OPCML: variants seen among roughly 807,000 people sequenced by gnomAD.
The protein encoded by OPCML is opioid binding protein/cell adhesion molecule like.
A neutral mutation model predicts 37.8 loss-of-function variants in OPCML; 13 were observed. That is an observed-to-expected ratio of 0.34 (90% confidence interval 0.22 to 0.55). The LOEUF (loss-of-function observed/expected upper bound fraction) is 0.55. OPCML is among the 20% of genes least tolerant of loss of function. The pLI is 0.91. For missense variants in OPCML, 341 were observed against 435.6 expected (o/e 0.78, Z 1.93); for synonymous variants, 176 against 168.8 (o/e 1.04, Z -0.33).
intron 1 of OPCML, among the ~76,000 whole-genome samples, chr11:133,525,331 C>T (rs1408693207): frequency 6.6e-6 from 1 of 152,036 alleles, no homozygotes; most frequent in African/African-American, 2.4e-5. Context: ...CAGGTGAAGC[C>T]CTTGAGGAAG....
chr11:132,728,640 C>A (rs535861696), intron 2 of OPCML, among the ~76,000 whole-genome samples: 2 of 152,148 alleles, frequency 1.3e-5, no homozygotes, highest in South Asian at 2.1e-4. Flanking sequence ...CCTGCTGTAA[C>A]CTAAGTGCCT....
At chr11:132,468,839 A>G (rs1345246322) in intron 4 of OPCML, among the ~76,000 whole-genome samples, 2 of 152,150 alleles carry the variant, frequency 1.3e-5, no homozygotes, top group Non-Finnish European at 2.9e-5. Flanking sequence ...TCTCAAAACT[A>G]CATATACCTC....
At chr11:133,084,860 A>G (rs1203595802) in intron 1 of OPCML, among the ~76,000 whole-genome samples, 1 of 152,218 alleles carries the variant, frequency 6.6e-6, no homozygotes, top group Non-Finnish European at 1.5e-5. Context: ...TCTACCATAC[A>G]ATATAGATTT....
At chr11:132,864,066 T>C (rs559159395) in intron 2 of OPCML, among the ~76,000 whole-genome samples, 1 of 152,220 alleles carries the variant, frequency 6.6e-6, no homozygotes, top group South Asian at 2.1e-4. Flanking sequence ...GCTTCCCGAG[T>C]AGCTGGGATT....
At chr11:133,150,989 C>T (rs889414502) in intron 1 of OPCML, among the ~76,000 whole-genome samples, 2 of 151,892 alleles carry the variant, frequency 1.3e-5, no homozygotes, top group Non-Finnish European at 2.9e-5. Context: ...ATTAATAATT[C>T]GTCGGCCAGG....
At chr11:132,623,652 A>G (rs990745201) in intron 3 of OPCML, among the ~76,000 whole-genome samples, 4 of 152,114 alleles carry the variant, frequency 2.6e-5, no homozygotes, top group Non-Finnish European at 5.9e-5. Flanking sequence ...TATCCTGAAA[A>G]TGTGTGGGTG....
Position 133,206,298 on chromosome 11 carries a change from G to C in OPCML, c.62-263288C>G, listed in dbSNP as rs1284158691. The stretch of plus-strand genomic sequence containing the variant: ...AGTGAGCAGAACTCGCCATACTGAG[G>C]TCTGTTCCTGTTTCTCTTTCTTAGA... On this transcript the variant is annotated intron_variant, in intron 1 of 7. Coordinates refer to ENST00000524381, the MANE Select transcript of OPCML (RefSeq NM_001012393.5). The surrounding 1 kb of genome is among the most constrained non-coding windows in gnomAD (Gnocchi z 4.7). 1.3e-5 allele frequency among the ~76,000 whole-genome samples: 2 copies of C among 152,210 alleles called. No individual in the cohort carries two copies. The highest frequency in any genetic ancestry group is 4.8e-5 in the African/African-American group (2 of 41,454).
intron 1 of OPCML, among the ~76,000 whole-genome samples, chr11:133,169,705 G>A (rs1302900989): frequency 1.3e-5 from 2 of 152,174 alleles, no homozygotes; most frequent in Non-Finnish European, 2.9e-5. Context: ...TGGATCAGTG[G>A]AGCAACAAAT....
intron 1 of OPCML, among the ~76,000 whole-genome samples, chr11:133,377,713 C>T (rs1406893960): frequency 6.6e-6 from 1 of 151,282 alleles, no homozygotes; most frequent in Non-Finnish European, 1.5e-5. Context: ...TCTCCATGAA[C>T]GGTGGCTACT....
At chr11:133,454,824 T>A (rs1303209204) in intron 1 of OPCML, among the ~76,000 whole-genome samples, 1 of 152,168 alleles carries the variant, frequency 6.6e-6, no homozygotes, top group Non-Finnish European at 1.5e-5. Context: ...ATGGAAAGGA[T>A]GTATCACTTA....
Position 132,415,557 on chromosome 11 carries a change from G to T in OPCML, c.*4636C>A, listed in dbSNP as rs537107149. 1 of 152,166 alleles carries T rather than the reference G, an allele frequency of 6.6e-6. No homozygotes were observed. The highest frequency in any genetic ancestry group is 1.5e-5 in the Non-Finnish European group (1 of 68,028). The allele number at this position is 152,166 out of a possible 1,614,324, so 9.4% of individuals were successfully genotyped here. ...GCCTCAAAAGGATGGTCGAGGGTTC[G>T]CAATCTTTCTTTCTCCACCCAGTGG... On this transcript the variant is annotated 3_prime_UTR_variant, in exon 8 of 8. Coordinates refer to ENST00000524381, the MANE Select transcript of OPCML (RefSeq NM_001012393.5).
intron 3 of OPCML, among the ~76,000 whole-genome samples, chr11:132,622,606 C>T (rs971288119): frequency 2.0e-5 from 3 of 152,124 alleles, no homozygotes; most frequent in Admixed American, 6.5e-5. Context: ...CTTCAGCTGG[C>T]CAGCCCTGGA....
intron 1 of OPCML, among the ~76,000 whole-genome samples, chr11:133,240,699 C>A (rs1940697831): frequency 6.6e-6 from 1 of 152,178 alleles, no homozygotes; most frequent in Non-Finnish European, 1.5e-5. Flanking sequence ...TAGCTAAACC[C>A]TGCCTATATT....
At chr11:132,628,449 GTC>G in intron 3 of OPCML, among the ~76,000 whole-genome samples, 1 of 152,256 alleles carries the variant, frequency 6.6e-6, no homozygotes, top group East Asian at 1.9e-4. Context: ...GGCATCTGGG[GTC>G]TTGCTGACCT....
At chr11:132,733,030 C>T (rs921793249) in intron 2 of OPCML, among the ~76,000 whole-genome samples, 2 of 152,060 alleles carry the variant, frequency 1.3e-5, no homozygotes, top group Non-Finnish European at 2.9e-5. Context: ...TGAGTGAAGG[C>T]TTTTTATTTG....
chr11:133,017,116 C>T (rs1947348628), intron 1 of OPCML, among the ~76,000 whole-genome samples: 1 of 152,180 alleles, frequency 6.6e-6, no homozygotes, highest in South Asian at 2.1e-4. Context: ...TCTTGGCTTA[C>T]AGATAGCCAT....
At chr11:132,792,500 C>T (rs1210502381) in intron 2 of OPCML, among the ~76,000 whole-genome samples, 1 of 152,186 alleles carries the variant, frequency 6.6e-6, no homozygotes, top group East Asian at 1.9e-4. Context: ...GTCCGCTCTC[C>T]CCACCCCCAT....
At chr11:132,769,792 C>G (rs1946577782) in intron 2 of OPCML, among the ~76,000 whole-genome samples, 1 of 152,162 alleles carries the variant, frequency 6.6e-6, no homozygotes, top group Non-Finnish European at 1.5e-5. Flanking sequence ...GAGACAAACA[C>G]AACTTACATC....
intron 2 of OPCML, among the ~76,000 whole-genome samples, chr11:132,758,464 C>G (rs1946140631): frequency 6.6e-6 from 1 of 152,040 alleles, no homozygotes; most frequent in South Asian, 2.1e-4. Flanking sequence ...TTTGTGTCCT[C>G]TCTTATTTCC....
Sources: gnomAD v4.1 joint callset for allele counts (sites outside exome capture counted in the v4.1 genomes callset) on GRCh38, gnomAD v4.1.1 for gene constraint, Gnocchi (gnomAD v3.1) non-coding constraint, MANE v1.5 for transcripts, NCBI Gene and HGNC (gene_info 2026-07-23, HGNC 2026-07-21) for gene names.